ENGASE: variants seen among roughly 807,000 people sequenced by gnomAD.
ENGASE encodes the protein cytosolic endo-beta-N-acetylglucosaminidase.
A neutral mutation model predicts 78.5 loss-of-function variants in ENGASE; 69 were observed. The ratio of observed to expected loss-of-function variants is 0.88; its 90% CI spans 0.72 to 1.07. ENGASE has a LOEUF of 1.07. ENGASE is among the 50% of genes least tolerant of loss of function. ENGASE has a pLI of 0.00. For missense variants in ENGASE, 943 were observed against 988.4 expected (o/e 0.95, Z 0.62); for synonymous variants, 408 against 408.9 (o/e 1.00, Z 0.03).
In ENGASE at chr17:79,085,640, G is replaced by T; in HGVS notation, c.1721G>T (p.Arg574Leu). Residue 574 changes from arginine to leucine, a missense_variant, in exon 13 of 14, where the codon CGT (arginine) becomes CTT (leucine). By Grantham distance (102) the Arg-to-Leu change is moderately radical. Coordinates refer to ENST00000579016, the MANE Select transcript of ENGASE (RefSeq NM_001042573.3). ...WVQHCYEVSLRGCLLLDLLVC... is the reference protein window; with the variant it reads ...WVQHCYEVSLLGCLLLDLLVC... ...CGTAGCTGCTACGAGGTGAGCCTGC[G>T]TGGGTGCCTGCTGCTAGACCTCCTC... The T allele has an allele frequency of 1.2e-6, 2 of 1,613,898 alleles. No individual in the cohort carries two copies. The highest frequency in any genetic ancestry group is 1.7e-6 in the Non-Finnish European group (2 of 1,180,000).
chr17:79,080,238 A>T lies in ENGASE; in HGVS notation c.597A>T (p.Gly199=), dbSNP rs79171361. Reference sequence around the variant, plus strand: ...TCATCACGGAGTGGAATGAAGGGGGAAGGCTCTGTGAAGCCTTCCTGGCCG... The same window carrying T: ...TCATCACGGAGTGGAATGAAGGGGGTAGGCTCTGTGAAGCCTTCCTGGCCG... ...GTFITEWNEG[G]RLCEAFLAGD... is the part of the protein sequence containing the mutation. Residue 199 remains glycine (G), a synonymous_variant, in exon 5 of 14, where the codon GGA becomes GGT. Transcript: ENST00000579016. The T allele has an allele frequency of 6.2e-7, 1 of 1,610,160 alleles. No homozygotes were observed. Among genetic ancestry groups the T allele is most frequent in the East Asian group, 2.2e-5 (1 of 44,678 alleles).
In ENGASE at chr17:79,086,502, G is replaced by A; in HGVS notation, c.*153G>A. Reference sequence around the variant, plus strand: ...TGGGAGACCCCGGGCTGAGTGCTGTGGCTTTCTGGTGGGGGGCGATGGAAA... The same window carrying A: ...TGGGAGACCCCGGGCTGAGTGCTGTAGCTTTCTGGTGGGGGGCGATGGAAA... On this transcript the variant is annotated 3_prime_UTR_variant, in exon 14 of 14. Coordinates refer to ENST00000579016, the MANE Select transcript of ENGASE (RefSeq NM_001042573.3). 1 of 911,982 alleles carries A rather than the reference G, an allele frequency of 1.1e-6. No homozygotes were observed. Among genetic ancestry groups the A allele is most frequent in the Non-Finnish European group, 1.6e-6 (1 of 623,646 alleles). 56.5% of individuals were successfully genotyped at this position (911,982 alleles called of 1,614,324 possible). A position where few individuals can be genotyped will look rare whatever the true frequency, so the allele number is the denominator to read the frequency against.
At position 79,080,251 on chromosome 17, in the gene ENGASE, G is replaced by A; in HGVS notation, c.610G>A (p.Ala204Thr). The change falls in exon 5 of 14, where the codon GCC (alanine) becomes ACC (threonine). Residue 204 changes from alanine to threonine, a missense_variant. Physicochemically the swap from Ala to Thr is moderately conservative, Grantham distance 58. Coordinates refer to ENST00000579016, the MANE Select transcript of ENGASE (RefSeq NM_001042573.3). ...EWNEGGRLCE[A>T]FLAGDERSYQ... ...GAATGAAGGGGGAAGGCTCTGTGAA[G>A]CCTTCCTGGCCGGGGATGAGCGCTC... The A allele has an allele frequency of 6.2e-7, 1 of 1,613,076 alleles. No individual in the cohort carries two copies. The highest frequency in any genetic ancestry group is 1.1e-5 in the South Asian group (1 of 91,040).
At chr17:79,079,244 G>T (rs570990126) in intron 3 of ENGASE, among the ~76,000 whole-genome samples, 2 of 152,278 alleles carry the variant, frequency 1.3e-5, no homozygotes, top group East Asian at 3.9e-4. Context: ...GCTCTCTCCA[G>T]CCTTGACCTC....
chr17:79,083,689 C>G lies in ENGASE; in HGVS notation c.1252-72C>G. 1.3e-6 allele frequency: 2 copies of G among 1,568,920 alleles called. No homozygotes were observed. The highest frequency in any genetic ancestry group is 1.7e-5 in the Admixed American group (1 of 58,106). On this transcript the variant is annotated intron_variant, in intron 9 of 13. Transcript: ENST00000579016. The surrounding 1 kb of genome is among the most constrained non-coding windows in gnomAD (Gnocchi z 4.9). Reference sequence around the variant, plus strand: ...CAGCAGGCACGGTGGTGGTCTTACCCTTCCCTGCCGCTCCGGGCACCCCTG... The same window carrying G: ...CAGCAGGCACGGTGGTGGTCTTACCGTTCCCTGCCGCTCCGGGCACCCCTG...
rs950832279 is a variant in ENGASE at position 79,087,519 on chromosome 17, C to T, written c.*1170C>T. The stretch of plus-strand genomic sequence containing the variant: ...TTCCTGGTGTGGTGTCTGGACCCCA[C>T]GGCCTTGGGTCATCCTGTGGCTGGT... On this transcript the variant is annotated 3_prime_UTR_variant, in exon 14 of 14. Transcript: ENST00000579016. The T allele has an allele frequency of 9.7e-5, 16 of 164,388 alleles. No homozygotes were observed. The highest frequency in any genetic ancestry group is 6.8e-4 in the East Asian group (4 of 5,890). 10.2% of individuals were successfully genotyped at this position (164,388 alleles called of 1,614,324 possible). A position where few individuals can be genotyped will look rare whatever the true frequency, so the allele number is the denominator to read the frequency against.
chr17:79,086,888 G>T lies in ENGASE; in HGVS notation c.*539G>T, dbSNP rs1301867847. The T allele has an allele frequency of 4.4e-6, 2 of 454,768 alleles. No individual in the cohort carries two copies. The highest frequency in any genetic ancestry group is 8.8e-6 in the Non-Finnish European group (2 of 226,824). The allele number at this position is 454,768 out of a possible 1,614,324, so 28.2% of individuals were successfully genotyped here. ...GATGCCCTGGAGAACCGTCCTCCCAGTGTGGAAGGCCCTTTTCCCTGAGGA... is the reference window on the plus strand; with the variant it reads ...GATGCCCTGGAGAACCGTCCTCCCATTGTGGAAGGCCCTTTTCCCTGAGGA... On this transcript the variant is annotated 3_prime_UTR_variant, in exon 14 of 14. Coordinates refer to ENST00000579016, the MANE Select transcript of ENGASE (RefSeq NM_001042573.3).
At chr17:79,081,572 C>T (rs756534020) in intron 6 of ENGASE, among the ~76,000 whole-genome samples, 29 of 152,050 alleles carry the variant, frequency 1.9e-4, no homozygotes, top group Non-Finnish European at 3.1e-4. Flanking sequence ...GGTTTCAGGT[C>T]ACCATCTGGG....
rs62063818 is a variant in ENGASE, at chr17:79,077,694, A to T, written c.246A>T (p.Pro82=). ...VRYYDKDTTK[P]ISFYLSSLEE... is the part of the protein sequence containing the mutation. ...ATTATGACAAGGACACCACCAAACC[A>T]ATCAGCTTTTACTTGTCTTCGCTGG... The change falls in exon 3 of 14, where the codon CCA becomes CCT. Residue 82 remains proline, a synonymous_variant. Transcript: ENST00000579016. The T allele has an allele frequency of 0.072, 115,899 of 1,614,146 alleles. 4,835 individuals carry two copies. Among genetic ancestry groups the T allele is most frequent in the Non-Finnish European group, 0.081 (95,269 of 1,180,008 alleles).
intron 4 of ENGASE, 116 bp downstream of exon 4, chr17:79,079,753 T>G: frequency 7.3e-7 from 1 of 1,377,126 alleles, no homozygotes; most frequent in Non-Finnish European, 9.8e-7. Flanking sequence ...AGCCCCTCGC[T>G]GGGGGCCGCC....
intron 11 of ENGASE, 116 bp from the exon 12 acceptor site, chr17:79,085,118 A>C (rs71385997): frequency 0.071 from 57,444 of 806,264 alleles, 3,149 homozygotes; most frequent in African/African-American, 0.24. Flanking sequence ...GGGACCCGCG[A>C]GCGTCTGGCC....
chr17:79,084,144 A>G (rs2073224955), intron 10 of ENGASE, 193 bp downstream of exon 10: 2 of 596,492 alleles, frequency 3.4e-6, no homozygotes, highest in Admixed American at 3.3e-5. Flanking sequence ...TGAACGGTAC[A>G]GGAGTGTTAA....
At position 79,086,488 on chromosome 17, in the gene ENGASE, G is replaced by T. The variant is rs559865695; in HGVS notation, c.*139G>T. 1 of 1,049,236 alleles carries T rather than the reference G, an allele frequency of 9.5e-7. No individual in the cohort carries two copies. Among genetic ancestry groups the T allele is most frequent in the Non-Finnish European group, 1.3e-6 (1 of 746,984 alleles). 65.0% of individuals were successfully genotyped at this position (1,049,236 alleles called of 1,614,324 possible). ...TCCCGGGGCTGGGGTGGGAGACCCC[G>T]GGCTGAGTGCTGTGGCTTTCTGGTG... On this transcript the variant is annotated 3_prime_UTR_variant, in exon 14 of 14. Coordinates refer to ENST00000579016, the MANE Select transcript of ENGASE (RefSeq NM_001042573.3).
chr17:79,079,651 A>ACTCAC lies in ENGASE; in HGVS notation c.565+18_565+22dup, dbSNP rs750991833. On this transcript the variant is annotated intron_variant, in intron 4 of 13. Transcript: ENST00000579016. The stretch of plus-strand genomic sequence containing the variant: ...TCTGCGTGCTGGGTAAGAGCCAAGG[A>ACTCAC]CTCACCTCTGTGTCAGCCAGACTCC... The ACTCAC allele has an allele frequency of 4.3e-6, 7 of 1,609,394 alleles. No homozygotes were observed. The highest frequency in any genetic ancestry group is 1.6e-4 in the Middle Eastern group (1 of 6,062).
At chr17:79,081,263 G>A (rs2073129134) in intron 6 of ENGASE, among the ~76,000 whole-genome samples, 190 bp downstream of exon 6, 1 of 152,204 alleles carries the variant, frequency 6.6e-6, no homozygotes, top group Non-Finnish European at 1.5e-5. Context: ...AGCACTTTGG[G>A]ACGCCGAGGT....
chr17:79,086,000 G>T lies in ENGASE; in HGVS notation c.1883G>T (p.Arg628Leu), dbSNP rs200879639. The T allele has an allele frequency of 1.2e-6, 2 of 1,610,922 alleles. No individual in the cohort carries two copies. The highest frequency in any genetic ancestry group is 1.7e-6 in the Non-Finnish European group (2 of 1,179,990). Reference protein sequence around the residue: ...QVQAVTISHIRWQPSASEREG... With the variant: ...QVQAVTISHILWQPSASEREG... ...CAGGCCGTCACCATCTCTCACATCC[G>T]CTGGCAGCCATCCGCCTCTGAGCGG... Residue 628 changes from arginine (R) to leucine (L), a missense_variant, in exon 14 of 14, where the codon CGC becomes CTC. Transcript: ENST00000579016.
chr17:79,085,890 C>T lies in ENGASE; in HGVS notation c.1816-43C>T, dbSNP rs368689291. On this transcript the variant is annotated intron_variant, in intron 13 of 13. Transcript: ENST00000579016. The stretch of plus-strand genomic sequence containing the variant: ...TGTGTGCGTGGGGGCACCCTCTCCC[C>T]GCCCCCGGGCGTCCAGCCGTGCTGA... 1,272 of 1,572,854 alleles carry T rather than the reference C, an allele frequency of 8.1e-4. 2 individuals carry two copies. The highest frequency in any genetic ancestry group is 5.5e-3 in the African/African-American group (411 of 74,512).
Position 79,086,160 on chromosome 17 carries a change from A to G in ENGASE, c.2043A>G (p.Pro681=). 6.2e-7 allele frequency: 1 copy of G among 1,613,808 alleles called. No individual in the cohort carries two copies. The highest frequency in any genetic ancestry group is 1.3e-5 in the African/African-American group (1 of 75,070). ...DDSPGRELPR[P]EMPMFLGLAF... ...CTCCGGGCAGGGAGCTGCCGAGGCC[A>G]GAGATGCCCATGTTCCTGGGGTTGG... The change falls in exon 14 of 14, where the codon CCA becomes CCG. Residue 681 remains proline, a synonymous_variant. Coordinates refer to ENST00000579016, the MANE Select transcript of ENGASE (RefSeq NM_001042573.3).
At chr17:79,082,495 C>T (rs535170707) in intron 7 of ENGASE, 8 of 1,203,578 alleles carry the variant, frequency 6.6e-6, no homozygotes, top group African/African-American at 1.6e-5. Flanking sequence ...GGTGTCATGA[C>T]GAGGGAGCAT....
Sources: gnomAD v4.1 joint callset for allele counts (sites outside exome capture counted in the v4.1 genomes callset) on GRCh38, gnomAD v4.1.1 for gene constraint, Gnocchi (gnomAD v3.1) non-coding constraint, MANE v1.5 for transcripts, NCBI Gene and HGNC (gene_info 2026-07-23, HGNC 2026-07-21) for gene names.